The following CFAP299 variants were observed in gnomAD, a reference collection of about 807,000 sequenced individuals.
CFAP299 encodes cilia- and flagella-associated protein 299.
Under a neutral mutation model 27.0 loss-of-function variants are expected in CFAP299, and 21 were observed. That is an observed-to-expected ratio of 0.78 (90% CI 0.55 to 1.12). CFAP299 has a LOEUF of 1.12. Among genes scored for constraint, CFAP299 ranks in the 50% most tolerant of loss-of-function variants. CFAP299 has a pLI of 0.00. For missense variants in CFAP299, 310 were observed against 276.6 expected, an observed-to-expected ratio of 1.12 and a Z score of -0.86; for synonymous variants, 104 against 98.1, an observed-to-expected ratio of 1.06 and a Z score of -0.36.
chr4:80,524,680 A>G (rs975482097), intron 2 of CFAP299, among the ~76,000 whole-genome samples: 2 of 152,106 alleles, frequency 1.3e-5, no homozygotes, highest in Non-Finnish European at 2.9e-5. Context: ...GGTCATTACC[A>G]TTGCTTGTTC....
At chr4:80,870,291 A>C (rs1733007354) in intron 4 of CFAP299, 156 bp downstream of exon 4, 10 of 1,258,772 alleles carry the variant, frequency 7.9e-6, no homozygotes, top group Non-Finnish European at 1.0e-5. Context: ...ATAAGGAATA[A>C]GCATAGATGC....
At chr4:80,538,097 C>T (rs1366271194) in intron 2 of CFAP299, among the ~76,000 whole-genome samples, 2 of 152,150 alleles carry the variant, frequency 1.3e-5, no homozygotes, top group South Asian at 2.1e-4. Context: ...CTGGTGACAT[C>T]GTAGCTATTG....
chr4:80,785,360 A>C (rs1425051575), intron 3 of CFAP299, among the ~76,000 whole-genome samples: 2 of 152,078 alleles, frequency 1.3e-5, no homozygotes, highest in African/African-American at 4.8e-5. Context: ...ATGGTATTTC[A>C]TTCACCACTG....
At chr4:80,708,173 A>AT (rs1181011783) in intron 3 of CFAP299, among the ~76,000 whole-genome samples, 1 of 151,952 alleles carries the variant, frequency 6.6e-6, no homozygotes, top group African/African-American at 2.4e-5. Context: ...ATTTGTTTTG[A>AT]TTTTCATAGT....
intron 2 of CFAP299, among the ~76,000 whole-genome samples, chr4:80,514,936 T>C (rs920862972): frequency 1.3e-5 from 2 of 152,148 alleles, no homozygotes; most frequent in East Asian, 3.9e-4. Flanking sequence ...GTTTTCTTAA[T>C]TCAAAGAGTA....
intron 3 of CFAP299, among the ~76,000 whole-genome samples, chr4:80,626,005 G>A (rs913432384): frequency 6.6e-6 from 1 of 151,856 alleles, no homozygotes; most frequent in Non-Finnish European, 1.5e-5. Context: ...TAAGGAAACA[G>A]TAAACTAAAA....
intron 2 of CFAP299, chr4:80,386,681 C>A (rs1008815454): frequency 2.5e-6 from 4 of 1,578,538 alleles, no homozygotes; most frequent in Non-Finnish European, 3.5e-6. Flanking sequence ...GTGGGCACGG[C>A]GGCTGAAGGA....
chr4:80,805,893 A>G lies in CFAP299; in HGVS notation c.334-64100A>G, dbSNP rs551236768. Reference sequence around the variant, plus strand: ...CTTGTCTCAAAAAAGTATTTAAAAAATTAAAATAAAATAAAAAAGACACTG... The same window carrying G: ...CTTGTCTCAAAAAAGTATTTAAAAAGTTAAAATAAAATAAAAAAGACACTG... On this transcript the variant is annotated intron_variant, in intron 3 of 5. Transcript: ENST00000358105. 7.4e-4 allele frequency among the ~76,000 whole-genome samples: 113 copies of G among 152,088 alleles called. 1 individual carries two copies. Among genetic ancestry groups the G allele is most frequent in the Non-Finnish European group, 1.4e-3 (92 of 67,984 alleles).
At chr4:80,510,692 A>AT (rs1732253119) in intron 2 of CFAP299, among the ~76,000 whole-genome samples, 1 of 152,166 alleles carries the variant, frequency 6.6e-6, no homozygotes, top group Admixed American at 6.6e-5. Context: ...TAACACCAAT[A>AT]TATGCCCTTT....
chr4:80,574,621 G>T (rs1242342946), intron 2 of CFAP299, among the ~76,000 whole-genome samples: 1 of 152,014 alleles, frequency 6.6e-6, no homozygotes, highest in African/African-American at 2.4e-5. Flanking sequence ...TTATTGTTTT[G>T]GGGGTATGTT....
At chr4:80,506,365 C>T (rs185828532) in intron 2 of CFAP299, among the ~76,000 whole-genome samples, 4 of 152,014 alleles carry the variant, frequency 2.6e-5, no homozygotes, top group African/African-American at 9.7e-5. Flanking sequence ...GTAGGAGTTG[C>T]GTGCATGCAA....
At chr4:80,658,922 T>TATTG (rs1259586355) in intron 3 of CFAP299, among the ~76,000 whole-genome samples, 3 of 152,280 alleles carry the variant, frequency 2.0e-5, no homozygotes, top group Non-Finnish European at 2.9e-5. Context: ...AGCAGCTGTC[T>TATTG]ATTGACATTT....
intron 2 of CFAP299, among the ~76,000 whole-genome samples, chr4:80,511,396 T>C (rs1461062904): frequency 1.3e-5 from 2 of 152,160 alleles, no homozygotes; most frequent in Non-Finnish European, 2.9e-5. Flanking sequence ...TATTTAATGA[T>C]TTATAAATGA....
At position 80,649,913 on chromosome 4, in the gene CFAP299, GA is replaced by G. The variant is rs199554665; in HGVS notation, c.333+66734del. On this transcript the variant is annotated intron_variant, in intron 3 of 5. Coordinates refer to ENST00000358105, the MANE Select transcript of CFAP299 (RefSeq NM_152770.3). ...GGAGTTTTCTTCATAAATCATTAAA[GA>G]AAATGTTCTTAAAGTGGACATTCAT... is the stretch of plus-strand genomic sequence containing the variant. Among the ~76,000 whole-genome samples the G allele has an allele frequency of 2.4e-3, 366 of 152,118 alleles. 3 individuals carry two copies. Among genetic ancestry groups the G allele is most frequent in the African/African-American group, 8.2e-3 (340 of 41,540 alleles).
chr4:80,850,498 C>CT (rs528201208), intron 3 of CFAP299, among the ~76,000 whole-genome samples: 13 of 151,550 alleles, frequency 8.6e-5, no homozygotes, highest in Non-Finnish European at 1.8e-4. Flanking sequence ...GAATGCATTT[C>CT]TAAAACTTGA....
At chr4:80,580,329 A>T (rs899053863) in intron 2 of CFAP299, among the ~76,000 whole-genome samples, 1 of 152,048 alleles carries the variant, frequency 6.6e-6, no homozygotes, top group Non-Finnish European at 1.5e-5. Context: ...CCTTGATTCT[A>T]CTAAGGCAAA....
intron 3 of CFAP299, among the ~76,000 whole-genome samples, chr4:80,707,260 A>T (rs780996579): frequency 6.6e-6 from 1 of 151,974 alleles, no homozygotes; most frequent in Non-Finnish European, 1.5e-5. Flanking sequence ...TGTCGGGCCC[A>T]TGAGATGAGA....
intron 2 of CFAP299, among the ~76,000 whole-genome samples, chr4:80,463,023 A>C (rs1390350279): frequency 6.6e-6 from 1 of 152,196 alleles, no homozygotes; most frequent in Non-Finnish European, 1.5e-5. Flanking sequence ...TAGAATGAGA[A>C]CTATGAACAT....
chr4:80,708,228 C>T (rs1011359740), intron 3 of CFAP299, among the ~76,000 whole-genome samples: 5 of 152,024 alleles, frequency 3.3e-5, no homozygotes, highest in African/African-American at 9.7e-5. Context: ...TAGATTTCAA[C>T]CAATTCTTCC....
Sources: gnomAD v4.1 joint callset for allele counts (sites outside exome capture counted in the v4.1 genomes callset) on GRCh38, gnomAD v4.1.1 for gene constraint, MANE v1.5 for transcripts, NCBI Gene and HGNC (gene_info 2026-07-23, HGNC 2026-07-21) for gene names.